The following ACIN1 variants were observed in gnomAD, a reference collection of about 807,000 sequenced individuals.
The protein encoded by ACIN1 is apoptotic chromatin condensation inducer 1.
In ACIN1, 16 loss-of-function variants were observed where a neutral mutation model predicts 146.6. The ratio of observed to expected loss-of-function variants is 0.11; its 90% CI spans 0.07 to 0.17. The LOEUF is 0.17. Among genes scored for constraint, ACIN1 ranks in the 10% least tolerant of loss-of-function variants. The probability of loss-of-function intolerance (pLI) is 1.00; values close to 1 mark genes in which losing one functional copy is unlikely to be tolerated. For missense variants in ACIN1, 1,357 were observed against 1,609.3 expected (o/e 0.84, Z 2.68); for synonymous variants, 569 against 582.7 (o/e 0.98, Z 0.34).
rs576933300 is a variant in ACIN1, at chr14:23,067,692, T to C, written c.2266-1684A>G. 1.0e-6 allele frequency: 1 copy of C among 985,908 alleles called. No homozygotes were observed. Among genetic ancestry groups the C allele is most frequent in the Admixed American group, 6.1e-5 (1 of 16,286 alleles). 61.1% of individuals were successfully genotyped at this position (985,908 alleles called of 1,614,324 possible). A position where few individuals can be genotyped will look rare whatever the true frequency, so the allele number is the denominator to read the frequency against. Reference sequence around the variant, plus strand: ...GAGTAGCAGGAATGATCCTTGCCTTTTATCGTGAGAGGCAGGCAGGACCCT... The same window carrying C: ...GAGTAGCAGGAATGATCCTTGCCTTCTATCGTGAGAGGCAGGCAGGACCCT... On this transcript the variant is annotated intron_variant, in intron 9 of 18. Transcript: ENST00000605057. This position sits in a 1 kb window ranked among gnomAD's most constrained non-coding sequence, Gnocchi z 4.6.
chr14:23,072,743 A>G (rs2047695375), intron 8 of ACIN1, among the ~76,000 whole-genome samples: 1 of 152,236 alleles, frequency 6.6e-6, no homozygotes, highest in Admixed American at 6.5e-5. Context: ...TCTTACACTT[A>G]CAATGCCAAC....
Position 23,067,286 on chromosome 14 carries a change from G to C in ACIN1, c.2266-1278C>G. ...AAAGAAGAAAATAAACTAGGAATAT[G>C]ACAAATGTTCCAGGTACCATCTCAC... On this transcript the variant is annotated intron_variant, in intron 9 of 18. Coordinates refer to ENST00000605057, the MANE Select transcript of ACIN1 (RefSeq NM_001386863.1). This position sits in a 1 kb window ranked among gnomAD's most constrained non-coding sequence, Gnocchi z 4.6. The C allele has an allele frequency of 1.0e-6, 1 of 984,598 alleles. No individual in the cohort carries two copies. Among genetic ancestry groups the C allele is most frequent in the Non-Finnish European group, 1.2e-6 (1 of 828,980 alleles). 61.0% of individuals were successfully genotyped at this position (984,598 alleles called of 1,614,324 possible).
In ACIN1 at chr14:23,091,567, GA is replaced by G. The variant is rs779774943; in HGVS notation, c.205-935del. Among the ~76,000 whole-genome samples the G allele has an allele frequency of 7.6e-3, 670 of 88,654 alleles. 6 individuals carry two copies. Among genetic ancestry groups the G allele is most frequent in the African/African-American group, 0.019 (493 of 25,816 alleles). The allele number at this position is 88,654 out of a possible 152,430, so 58.2% of individuals were successfully genotyped here. A position where few individuals can be genotyped will look rare whatever the true frequency, so the allele number is the denominator to read the frequency against. On this transcript the variant is annotated intron_variant, in intron 2 of 18. Transcript: ENST00000605057. ...GTTAAAGAGCAAGACTCCATCTCAA[GA>G]AAAAAAAAAAAAAAAGCCAGTTCCT...
At chr14:23,084,033 G>A (rs958668911) in intron 4 of ACIN1, among the ~76,000 whole-genome samples, 1 of 151,262 alleles carries the variant, frequency 6.6e-6, no homozygotes, top group East Asian at 2.0e-4. Context: ...TGCAACCTCC[G>A]CCTCCTGGGT....
chr14:23,091,835 G>A (rs980849159), intron 2 of ACIN1, among the ~76,000 whole-genome samples: 18 of 151,998 alleles, frequency 1.2e-4, no homozygotes, highest in Admixed American at 6.6e-5. Flanking sequence ...TGTTGGCCAG[G>A]CTGGTCTCAA....
chr14:23,076,231 T>TA (rs2047798126), intron 8 of ACIN1, among the ~76,000 whole-genome samples: 1 of 152,182 alleles, frequency 6.6e-6, no homozygotes, highest in African/African-American at 2.4e-5. Flanking sequence ...GCTGTTTTGT[T>TA]AGAATGTTGA....
chr14:23,070,047 G>A (rs1242826781), intron 8 of ACIN1, among the ~76,000 whole-genome samples: 3 of 152,116 alleles, frequency 2.0e-5, no homozygotes, highest in Admixed American at 6.5e-5. Context: ...AATTGCACGA[G>A]AAACGAAGGG....
rs2047565262 is a variant in ACIN1, at chr14:23,069,607, CCTT to C, written c.2131_2133del (p.Lys711del). On this transcript the variant is annotated inframe_deletion, in exon 9 of 19. Coordinates refer to ENST00000605057, the MANE Select transcript of ACIN1 (RefSeq NM_001386863.1). ...TCACTTGTGTCCATGGTCACTTCCT[CCTT>C]CTCCTCACTGACAGGAGGGGGGAGT... 10 of 1,608,776 alleles carry C rather than the reference CCTT, an allele frequency of 6.2e-6. No individual in the cohort carries two copies. The highest frequency in any genetic ancestry group is 1.1e-5 in the South Asian group (1 of 90,188).
Position 23,071,745 on chromosome 14 carries a change from C to T in ACIN1, c.2124-2128G>A, listed in dbSNP as rs75825285. 2.7e-3 allele frequency: 1,539 copies of T among 565,108 alleles called. 20 individuals are homozygous for T. Among genetic ancestry groups the T allele is most frequent in the African/African-American group, 0.026 (1,345 of 52,110 alleles). 35.0% of individuals were successfully genotyped at this position (565,108 alleles called of 1,614,324 possible). ...AGTTACAGCAGCTACAGAGGCTTAA[C>T]CCCCCAGGGCTGGAGTGCTCCCTCC... On this transcript the variant is annotated intron_variant, in intron 8 of 18. Coordinates refer to ENST00000605057, the MANE Select transcript of ACIN1 (RefSeq NM_001386863.1).
At chr14:23,061,669 A>G in intron 16 of ACIN1, 47 bp from the exon 17 acceptor site, 1 of 1,457,662 alleles carries the variant, frequency 6.9e-7, no homozygotes, top group Non-Finnish European at 9.1e-7. Context: ...AGGTGATATC[A>G]CTCCCACTCA....
chr14:23,083,867 G>T (rs542414057), intron 4 of ACIN1, among the ~76,000 whole-genome samples: 8 of 152,258 alleles, frequency 5.3e-5, no homozygotes, highest in African/African-American at 1.9e-4. Flanking sequence ...AGTACAAAAG[G>T]TTCTGTACAC....
rs559995716 is a variant in ACIN1, at chr14:23,065,682, TA to T, written c.2308+283del. ...ACTCATTCCTTGTTGAGTATTCAGG[TA>T]TCTGAAAGAATAAATGCCTCTAAGG... On this transcript the variant is annotated intron_variant, in intron 10 of 18. Coordinates refer to ENST00000605057, the MANE Select transcript of ACIN1 (RefSeq NM_001386863.1). Among the ~76,000 whole-genome samples, 187 of 152,336 alleles carry T rather than the reference TA, an allele frequency of 1.2e-3. 1 individual carries two copies. Among genetic ancestry groups the T allele is most frequent in the African/African-American group, 4.3e-3 (178 of 41,568 alleles).
chr14:23,073,380 T>C (rs1594762859), intron 8 of ACIN1, among the ~76,000 whole-genome samples: 2 of 152,204 alleles, frequency 1.3e-5, no homozygotes, highest in Non-Finnish European at 1.5e-5. Context: ...AGTTTTCTTA[T>C]TGAAAAAAAA....
At chr14:23,079,221 A>C (rs1216091833) in intron 6 of ACIN1, among the ~76,000 whole-genome samples, 183 bp from the exon 7 acceptor site, 4 of 152,062 alleles carry the variant, frequency 2.6e-5, no homozygotes, top group Non-Finnish European at 1.5e-5. Context: ...TATTTAACAA[A>C]TTATTAAGTT....
chr14:23,081,757 C>G lies in ACIN1; in HGVS notation c.516G>C (p.Arg172Ser), dbSNP rs375038243. 6.2e-7 allele frequency: 1 copy of G among 1,612,502 alleles called. No individual in the cohort carries two copies. Residue 172 changes from arginine to serine, a missense_variant, in exon 5 of 19, where the codon AGG becomes AGC. Arg to Ser is a moderately radical substitution (Grantham distance 110). This residue lies in a region of ACIN1 where 771 missense variants were observed against 746.6 expected (regional missense o/e 1.03). Transcript: ENST00000605057. ...GAGGTATCTGAGTTACCTGTCTGAC[C>G]CTAGATGATCGTCTTTCTCCTTTCC... ...KPRKGERRSSRVRQARAAKLS... is the reference protein window; with the variant it reads ...KPRKGERRSSSVRQARAAKLS...
chr14:23,094,432 A>C, intron 1 of ACIN1: 1 of 981,706 alleles, frequency 1.0e-6, no homozygotes, highest in Non-Finnish European at 1.2e-6. Flanking sequence ...ACTAGATGCC[A>C]CTAAATTAGA....
At chr14:23,071,604 C>G (rs2047657459) in intron 8 of ACIN1, 2 of 1,513,214 alleles carry the variant, frequency 1.3e-6, no homozygotes, top group African/African-American at 1.4e-5. Context: ...GAGGGCCTTG[C>G]TGCAGCAGGG....
chr14:23,068,789 C>T lies in ACIN1; in HGVS notation c.2265+687G>A. ...CACCAGAAAAAGGCTACACACACAA[C>T]AGTCCCTCCCACCTTGTTACCCCTC... On this transcript the variant is annotated intron_variant, in intron 9 of 18. Transcript: ENST00000605057. The surrounding 1 kb of genome is among the most constrained non-coding windows in gnomAD (Gnocchi z 4.3). The T allele has an allele frequency of 1.0e-6, 1 of 985,468 alleles. No individual in the cohort carries two copies. The allele number at this position is 985,468 out of a possible 1,614,324, so 61.0% of individuals were successfully genotyped here. A position where few individuals can be genotyped will look rare whatever the true frequency, so the allele number is the denominator to read the frequency against.
intron 9 of ACIN1, 149 bp from the exon 10 acceptor site, chr14:23,066,157 C>CAGAG: frequency 1.6e-6 from 1 of 618,372 alleles, no homozygotes; most frequent in Non-Finnish European, 2.8e-6. Flanking sequence ...CAGAGACAGA[C>CAGAG]AGAGACCAAA....
Sources: allele counts gnomAD v4.1 joint callset (sites outside exome capture counted in the v4.1 genomes callset), GRCh38; gene constraint gnomAD v4.1.1; regional missense constraint gnomAD v4.1.1; non-coding constraint Gnocchi (gnomAD v3.1); transcripts MANE v1.5; gene names NCBI Gene and HGNC (gene_info 2026-07-23, HGNC 2026-07-21).